Variants in ATM observed in about 807,000 individuals in gnomAD.
ATM encodes the protein serine-protein kinase ATM.
In ATM, 308 loss-of-function variants were observed where a neutral mutation model predicts 387.0. The ratio of observed to expected loss-of-function variants is 0.80; its 90% confidence interval spans 0.73 to 0.87. ATM has a LOEUF of 0.87. Ranked by LOEUF, ATM falls within the 40% of genes least tolerant of loss-of-function variation. ATM has a pLI of 0.00. For synonymous variants in ATM, 1,156 were observed against 1,187.3 expected, an observed-to-expected ratio of 0.97 and a Z score of 0.54; for missense variants, 3,312 against 3,560.9, an observed-to-expected ratio of 0.93 and a Z score of 1.78.
rs549082566 is a variant in ATM at position 108,297,915 on chromosome 11, G to A, written c.5005+533G>A. The stretch of plus-strand genomic sequence containing the variant: ...TTTGAAAATGCCTTGTAAATATTTA[G>A]GAAAGTCAGAAATACTTGTTTTTAG... On this transcript the variant is annotated intron_variant, in intron 33 of 62. Transcript: ENST00000675843. Among the ~76,000 whole-genome samples, 6 of 152,146 alleles carry A rather than the reference G, an allele frequency of 3.9e-5. No individual in the cohort carries two copies. The East Asian group carries it at 1.2e-3, about 29-fold the overall frequency.
At chr11:108,333,837 A>C (rs1165501517) in intron 53 of ATM, 49 bp from the exon 54 acceptor site, 3 of 1,418,812 alleles carry the variant, frequency 2.1e-6, no homozygotes, top group South Asian at 2.3e-5. Context: ...CTTGACCTTC[A>C]ATGCTGTTCC....
At position 108,335,868 on chromosome 11, in the gene ATM, T is replaced by A. The variant is rs1431188311; in HGVS notation, c.8175T>A (p.Asp2725Glu). The A allele has an allele frequency of 1.2e-6, 2 of 1,613,828 alleles. No individual in the cohort carries two copies. Among genetic ancestry groups the A allele is most frequent in the Non-Finnish European group, 1.7e-6 (2 of 1,179,902 alleles). Residue 2725 changes from aspartate to glutamate, a missense_variant, in exon 56 of 63, where the codon GAT becomes GAA. Physicochemically the swap from Asp to Glu is conservative, Grantham distance 45. Around this residue, in one of 4 missense-constraint regions of ATM, gnomAD observed 1,405 missense variants for 1,604.4 expected, o/e 0.88. Coordinates refer to ENST00000675843, the MANE Select transcript of ATM (RefSeq NM_000051.4). ...AGGGCCGTGATGACCTGAGACAAGA[T>A]GCTGTCATGCAACAGGTCTTCCAGA... Reference protein sequence around the residue: ...LVKGRDDLRQDAVMQQVFQMC... With the variant: ...LVKGRDDLRQEAVMQQVFQMC...
rs184712131 is a variant in ATM, at chr11:108,250,387, G to A, written c.1236-314G>A. 8.8e-4 allele frequency among the ~76,000 whole-genome samples: 134 copies of A among 152,118 alleles called. 1 individual carries two copies. The highest frequency in any genetic ancestry group is 3.0e-3 in the African/African-American group (124 of 41,524). The stretch of plus-strand genomic sequence containing the variant: ...AGGCTGGTCTCAAACTCCTAACCTC[G>A]TGATCTGCCTGCCTTGGCCTCCCAA... On this transcript the variant is annotated intron_variant, in intron 9 of 62. Coordinates refer to ENST00000675843, the MANE Select transcript of ATM (RefSeq NM_000051.4).
At chr11:108,306,347 G>C (rs2083689101) in intron 37 of ATM, among the ~76,000 whole-genome samples, 1 of 152,058 alleles carries the variant, frequency 6.6e-6, no homozygotes, top group East Asian at 1.9e-4. Context: ...TTCTCATAGA[G>C]GCTTTGTAAA....
intron 5 of ATM, among the ~76,000 whole-genome samples, chr11:108,242,031 T>C (rs917833528): frequency 6.6e-6 from 1 of 151,990 alleles, no homozygotes; most frequent in Non-Finnish European, 1.5e-5. Flanking sequence ...CTCGATGTCT[T>C]TTTATGGCTT....
At chr11:108,359,088 AGGAT>A (rs1179908337) in intron 61 of ATM, among the ~76,000 whole-genome samples, 3 of 148,982 alleles carry the variant, frequency 2.0e-5, no homozygotes, top group Non-Finnish European at 4.5e-5. Flanking sequence ...TCAAAATAAA[AGGAT>A]GGAGGAAGAT....
chr11:108,234,881 A>G (rs765804985), intron 4 of ATM, among the ~76,000 whole-genome samples: 6 of 151,850 alleles, frequency 4.0e-5, no homozygotes, highest in African/African-American at 1.2e-4. Context: ...TATGCCATAA[A>G]TGCTATTATA....
intron 31 of ATM, among the ~76,000 whole-genome samples, chr11:108,293,838 A>G (rs2082951065): frequency 6.8e-6 from 1 of 146,314 alleles, no homozygotes; most frequent in South Asian, 2.2e-4. Flanking sequence ...AGATTGCTCC[A>G]CTGCATTCCA....
At chr11:108,247,565 C>T (rs1436684998) in intron 8 of ATM, among the ~76,000 whole-genome samples, 1 of 151,990 alleles carries the variant, frequency 6.6e-6, no homozygotes. Context: ...TGTTGTACAA[C>T]CATCATCACT....
At chr11:108,258,713 AG>A (rs1410893315) in intron 15 of ATM, among the ~76,000 whole-genome samples, 1 of 152,192 alleles carries the variant, frequency 6.6e-6, no homozygotes, top group Non-Finnish European at 1.5e-5. Context: ...TAAGTGGGGA[AG>A]GAGAAAAGTA....
intron 31 of ATM, 88 bp downstream of exon 31, chr11:108,293,565 G>A (rs745673567): frequency 3.9e-5 from 47 of 1,200,192 alleles, no homozygotes; most frequent in Non-Finnish European, 5.4e-5. Context: ...AGTAAAAAAT[G>A]GAATCTTTTC....
intron 56 of ATM, among the ~76,000 whole-genome samples, chr11:108,338,261 G>C (rs754358699): frequency 3.3e-5 from 5 of 152,150 alleles, no homozygotes; most frequent in Non-Finnish European, 7.3e-5. Flanking sequence ...TGAGGTGAGA[G>C]AATCACTTAA....
At position 108,243,969 on chromosome 11, in the gene ATM, C is replaced by G. The variant is rs786201693; in HGVS notation, c.513C>G (p.Tyr171Ter). 7 of 1,590,236 alleles carry G rather than the reference C, an allele frequency of 4.4e-6. No individual in the cohort carries two copies. The highest frequency in any genetic ancestry group is 5.1e-6 in the Non-Finnish European group (6 of 1,166,396). Reference sequence around the variant, plus strand: ...TTTTTTAAGAATTGTTCTCTGTGTACTTCAGGCTCTATCTGAAACCTTCAC... The same window carrying G: ...TTTTTTAAGAATTGTTCTCTGTGTAGTTCAGGCTCTATCTGAAACCTTCAC... ...QQQWLELFSVYFRLYLKPSQD... is the reference protein window; with the variant it reads ...QQQWLELFSV The change falls in exon 6 of 63, where the codon TAC becomes TAG. Residue 171 changes from tyrosine to a stop codon, truncating the protein, a stop_gained. Coordinates refer to ENST00000675843, the MANE Select transcript of ATM (RefSeq NM_000051.4). LOFTEE classifies it high-confidence loss of function.
chr11:108,290,176 T>A (rs2082708280), intron 29 of ATM: 1 of 166,976 alleles, frequency 6.0e-6, no homozygotes. Context: ...TTCTTTTAAT[T>A]GAAAGTTTAT....
chr11:108,344,108 ATTG>A (rs2087968057), intron 57 of ATM, among the ~76,000 whole-genome samples: 1 of 152,138 alleles, frequency 6.6e-6, no homozygotes, highest in Admixed American at 6.5e-5. Flanking sequence ...AAATCCATTT[ATTG>A]TTCATTTTAT....
intron 18 of ATM, among the ~76,000 whole-genome samples, chr11:108,269,176 T>G (rs1270772402): frequency 6.6e-6 from 1 of 152,188 alleles, no homozygotes; most frequent in African/African-American, 2.4e-5. Flanking sequence ...ACACTTCTGT[T>G]TAGCCACAGT....
chr11:108,280,648 A>C (rs1048075569), intron 23 of ATM, among the ~76,000 whole-genome samples: 1 of 152,146 alleles, frequency 6.6e-6, no homozygotes, highest in Non-Finnish European at 1.5e-5. Context: ...TAGTTATTAA[A>C]TGTTTCTGTA....
intron 4 of ATM, among the ~76,000 whole-genome samples, chr11:108,235,382 A>G (rs1013899328): frequency 5.9e-5 from 9 of 152,144 alleles, no homozygotes; most frequent in Non-Finnish European, 1.0e-4. Context: ...GAGGCCAGAT[A>G]GTAAATGTTC....
At chr11:108,317,345 AC>A (rs768999198) in intron 42 of ATM, 27 bp from the exon 43 acceptor site, 1 of 1,604,254 alleles carries the variant, frequency 6.2e-7, no homozygotes, top group Non-Finnish European at 8.5e-7. Context: ...TGATTACTTA[AC>A]TTAAAAACAA....
Sources: gnomAD v4.1 joint callset for allele counts (sites outside exome capture counted in the v4.1 genomes callset) on GRCh38, gnomAD v4.1.1 for gene constraint, gnomAD v4.1.1 regional missense constraint, MANE v1.5 for transcripts, NCBI Gene and HGNC (gene_info 2026-07-23, HGNC 2026-07-21) for gene names.